The following LOC128706665 variants were observed in gnomAD, a reference collection of about 807,000 sequenced individuals.
chr20:10,427,223 A>C, the LOC128706665 span, among the ~76,000 whole-genome samples: 1 of 152,174 alleles, frequency 6.6e-6, no homozygotes, highest in Non-Finnish European at 1.5e-5. Context: ...ATTAGGCCTA[A>C]AATAACTTGG....
At chr20:10,414,215 T>C in the LOC128706665 span, among the ~76,000 whole-genome samples, 1 of 151,954 alleles carries the variant, frequency 6.6e-6, no homozygotes, top group African/African-American at 2.4e-5. Flanking sequence ...TATGGCATGC[T>C]TCTAGGAGAG....
the LOC128706665 span, among the ~76,000 whole-genome samples, chr20:10,432,903 A>G: frequency 6.6e-6 from 1 of 152,120 alleles, no homozygotes; most frequent in East Asian, 1.9e-4. Context: ...ACAACGTTAA[A>G]TGCTATGTAA....
the LOC128706665 span, chr20:10,420,690 C>T: frequency 2.0e-5 from 3 of 152,208 alleles, no homozygotes; most frequent in African/African-American, 7.2e-5. Context: ...CTAAAGGGAC[C>T]ATAACAACCA....
the LOC128706665 span, among the ~76,000 whole-genome samples, chr20:10,433,878 G>A: frequency 1.2e-4 from 18 of 152,188 alleles, no homozygotes; most frequent in Admixed American, 1.3e-4. Flanking sequence ...AGACCTCCTC[G>A]CCGCCCGCAT....
the LOC128706665 span, among the ~76,000 whole-genome samples, chr20:10,415,362 G>A: frequency 2.0e-5 from 3 of 152,164 alleles, no homozygotes; most frequent in Non-Finnish European, 2.9e-5. Flanking sequence ...ACCTTGATTT[G>A]AAGATGTGCA....
At chr20:10,424,496 T>A in the LOC128706665 span, among the ~76,000 whole-genome samples, 1 of 152,210 alleles carries the variant, frequency 6.6e-6, no homozygotes, top group South Asian at 2.1e-4. Flanking sequence ...ACATTGGATG[T>A]ATTCTATTGC....
At chr20:10,427,362 A>G in the LOC128706665 span, among the ~76,000 whole-genome samples, 1 of 152,194 alleles carries the variant, frequency 6.6e-6, no homozygotes, top group Non-Finnish European at 1.5e-5. Context: ...ATTTGAAAAA[A>G]TTGTAATTTT....
chr20:10,415,002 C>T, the LOC128706665 span, among the ~76,000 whole-genome samples: 1 of 152,100 alleles, frequency 6.6e-6, no homozygotes, highest in Non-Finnish European at 1.5e-5. Context: ...ATCTGAGTTG[C>T]AATTCAATTT....
chr20:10,428,362 T>A, the LOC128706665 span, among the ~76,000 whole-genome samples: 1 of 152,226 alleles, frequency 6.6e-6, no homozygotes, highest in Non-Finnish European at 1.5e-5. Context: ...GCAAACACTT[T>A]ATGTTCCTGG....
At chr20:10,432,789 CAAAAAAAAA>C in the LOC128706665 span, among the ~76,000 whole-genome samples, 1,405 of 74,604 alleles carry the variant, frequency 0.019, 31 homozygotes, top group African/African-American at 0.061. Flanking sequence ...GACTCTTTGT[CAAAAAAAAA>C]AAAAAAAAAA....
At chr20:10,414,957 G>A in the LOC128706665 span, among the ~76,000 whole-genome samples, 1 of 152,140 alleles carries the variant, frequency 6.6e-6, no homozygotes, top group African/African-American at 2.4e-5. Flanking sequence ...CAAAAACCAA[G>A]GGATATGCTG....
At chr20:10,418,686 T>A in the LOC128706665 span, among the ~76,000 whole-genome samples, 5 of 152,162 alleles carry the variant, frequency 3.3e-5, no homozygotes, top group Non-Finnish European at 5.9e-5. Context: ...CCAAGAGTAT[T>A]TCTTTTTGCA....
At chr20:10,414,943 C>T in the LOC128706665 span, among the ~76,000 whole-genome samples, 6 of 152,142 alleles carry the variant, frequency 3.9e-5, no homozygotes, top group African/African-American at 1.4e-4. Flanking sequence ...AATGACAGTA[C>T]ATGCAAAAAC....
chr20:10,431,583 A>C, the LOC128706665 span: 1 of 151,752 alleles, frequency 6.6e-6, no homozygotes, highest in African/African-American at 2.4e-5. Flanking sequence ...CGCACAAAAA[A>C]CTGCATAAAG....
the LOC128706665 span, among the ~76,000 whole-genome samples, chr20:10,429,658 T>C: frequency 3.9e-5 from 6 of 152,194 alleles, no homozygotes; most frequent in Non-Finnish European, 8.8e-5. Flanking sequence ...TCTGCCCTTT[T>C]CCTCATGCTC....
At chr20:10,424,132 A>G in the LOC128706665 span, among the ~76,000 whole-genome samples, 22 of 152,358 alleles carry the variant, frequency 1.4e-4, no homozygotes, top group African/African-American at 4.3e-4. Flanking sequence ...CATAAAAACA[A>G]TAAGTATCAC....
chr20:10,430,922 A>G, the LOC128706665 span, among the ~76,000 whole-genome samples: 2 of 152,248 alleles, frequency 1.3e-5, no homozygotes, highest in African/African-American at 2.4e-5. Context: ...AACGTTTTAC[A>G]TAAGAGCAAA....
At chr20:10,424,679 T>G in the LOC128706665 span, among the ~76,000 whole-genome samples, 38,855 of 152,170 alleles carry the variant, frequency 0.26, 5,121 homozygotes, top group Middle Eastern at 0.31. Flanking sequence ...GAGCTTTTAC[T>G]TACAATCAAA....
At chr20:10,417,286 G>A in the LOC128706665 span, among the ~76,000 whole-genome samples, 1 of 151,704 alleles carries the variant, frequency 6.6e-6, no homozygotes, top group East Asian at 1.9e-4. Flanking sequence ...ACTTTATAAT[G>A]GAAAGAAACA....
Sources: allele counts gnomAD v4.1 joint callset (sites outside exome capture counted in the v4.1 genomes callset), GRCh38; gene constraint gnomAD v4.1.1; transcripts MANE v1.5.